VANGL1: variants seen among roughly 807,000 people sequenced by gnomAD.
VANGL1 encodes the protein vang-like protein 1.
Under a neutral mutation model 48.4 loss-of-function variants are expected in VANGL1, and 18 were observed. The observed-to-expected ratio is 0.37, with a 90% CI of 0.26 to 0.55. The LOEUF (loss-of-function observed/expected upper bound fraction) is 0.55, where lower values mean the gene tolerates loss of function less well. VANGL1 is among the 20% of genes least tolerant of loss of function. The pLI, the probability that VANGL1 is intolerant of heterozygous loss-of-function variation, is 0.81. For missense variants in VANGL1, 667 were observed against 675.8 expected (o/e 0.99, Z 0.14); for synonymous variants, 257 against 261.8 (o/e 0.98, Z 0.18).
chr1:115,647,323 T>C (rs1651978189), intron 1 of VANGL1, among the ~76,000 whole-genome samples: 1 of 152,164 alleles, frequency 6.6e-6, no homozygotes, highest in African/African-American at 2.4e-5. Flanking sequence ...TTCCTTTTCA[T>C]TGCTTTATTG....
intron 3 of VANGL1, among the ~76,000 whole-genome samples, chr1:115,662,224 T>C (rs938283641): frequency 5.7e-4 from 29 of 50,628 alleles, no homozygotes; most frequent in African/African-American, 1.4e-3. Context: ...AAATCATGGT[T>C]TTTTTGGTCA....
At chr1:115,684,289 C>T (rs1653510452) in intron 6 of VANGL1, among the ~76,000 whole-genome samples, 1 of 151,984 alleles carries the variant, frequency 6.6e-6, no homozygotes, top group African/African-American at 2.4e-5. Context: ...CAGGCGCCCA[C>T]CACCACGCCC....
chr1:115,675,044 T>C (rs1252497353), intron 4 of VANGL1, among the ~76,000 whole-genome samples: 1 of 152,118 alleles, frequency 6.6e-6, no homozygotes, highest in African/African-American at 2.4e-5. Context: ...ATGGTCACGA[T>C]TGTTTCCTTC....
chr1:115,673,112 A>G (rs1653042998), intron 4 of VANGL1, among the ~76,000 whole-genome samples: 1 of 152,212 alleles, frequency 6.6e-6, no homozygotes, highest in South Asian at 2.1e-4. Context: ...CCTAAAATGC[A>G]GCCACCAGAG....
At chr1:115,642,546 G>C (rs1434659361) in intron 1 of VANGL1, 2 of 152,268 alleles carry the variant, frequency 1.3e-5, no homozygotes, top group African/African-American at 4.8e-5. Context: ...CGCGCACCGG[G>C]GTTCCCACCC....
rs1653903982 is a variant in VANGL1, at chr1:115,693,078, C to T, written c.*1699C>T. On this transcript the variant is annotated 3_prime_UTR_variant, in exon 8 of 8. Coordinates refer to ENST00000355485, the MANE Select transcript of VANGL1 (RefSeq NM_138959.3). ...ACATTCTTCAATTACTAGCCTTCAGCTTGAAAAGACATGCTGGAGAAGAAG... is the reference window on the plus strand; with the variant it reads ...ACATTCTTCAATTACTAGCCTTCAGTTTGAAAAGACATGCTGGAGAAGAAG... 1 of 152,394 alleles carries T rather than the reference C, an allele frequency of 6.6e-6. No homozygotes were observed. Among genetic ancestry groups the T allele is most frequent in the Admixed American group, 6.5e-5 (1 of 15,276 alleles). The allele number at this position is 152,394 out of a possible 1,614,324, so 9.4% of individuals were successfully genotyped here.
rs543735468 is a variant in VANGL1, at chr1:115,698,128, A to G, written c.*6749A>G. On this transcript the variant is annotated 3_prime_UTR_variant, in exon 8 of 8. Transcript: ENST00000355485. ...TATTTTGTTCCTTTTTGGGTCCTCC[A>G]GTATAATCCCCCCCTCATCCCAATT... is the stretch of plus-strand genomic sequence containing the variant. The G allele has an allele frequency of 6.8e-6, 1 of 147,728 alleles. No individual in the cohort carries two copies. Among genetic ancestry groups the G allele is most frequent in the Non-Finnish European group, 1.5e-5 (1 of 66,988 alleles). The allele number at this position is 147,728 out of a possible 1,614,324, so 9.2% of individuals were successfully genotyped here. A position where few individuals can be genotyped will look rare whatever the true frequency, so the allele number is the denominator to read the frequency against.
Position 115,687,538 on chromosome 1 carries a change from C to T in VANGL1, c.1314+2011C>T, listed in dbSNP as rs1053897314. On this transcript the variant is annotated intron_variant, in intron 7 of 7. Transcript: ENST00000355485. The stretch of plus-strand genomic sequence containing the variant: ...TAATAGCTGTTTTTGGTATAGAAAT[C>T]CAAACATTAAAGAAAAGTATCATGC... Among the ~76,000 whole-genome samples the T allele has an allele frequency of 1.4e-5, 2 of 138,074 alleles. 1 individual carries two copies. The highest frequency in any genetic ancestry group is 1.5e-4 in the Admixed American group (2 of 13,340). 90.6% of individuals were successfully genotyped at this position (138,074 alleles called of 152,430 possible).
intron 7 of VANGL1, among the ~76,000 whole-genome samples, chr1:115,685,834 A>G (rs1015856380): frequency 6.6e-6 from 1 of 152,098 alleles, no homozygotes; most frequent in African/African-American, 2.4e-5. Flanking sequence ...AGCTGAACTG[A>G]TTCATTCTAA....
chr1:115,678,095 C>T (rs1653233202), intron 4 of VANGL1, among the ~76,000 whole-genome samples: 1 of 152,210 alleles, frequency 6.6e-6, no homozygotes, highest in Non-Finnish European at 1.5e-5. Context: ...AACCAAAGGA[C>T]GTGTCCCCTG....
In VANGL1 at chr1:115,681,118, T is replaced by C. The variant is rs181585932; in HGVS notation, c.813-1246T>C. ...ATACTGTTGTGCAGGTCATAGATTT[T>C]TGAGCCTCAGTTTTCTTACCTCGAA... On this transcript the variant is annotated intron_variant, in intron 4 of 7. Transcript: ENST00000355485. Among the ~76,000 whole-genome samples, 296 of 152,296 alleles carry C rather than the reference T, an allele frequency of 1.9e-3. 1 individual carries two copies. Among genetic ancestry groups the C allele is most frequent in the African/African-American group, 6.9e-3 (286 of 41,552 alleles).
At position 115,692,385 on chromosome 1, in the gene VANGL1, G is replaced by C. The variant is rs1291441476; in HGVS notation, c.*1006G>C. 6.5e-6 allele frequency: 1 copy of C among 152,748 alleles called. No homozygotes were observed. Among genetic ancestry groups the C allele is most frequent in the Non-Finnish European group, 1.5e-5 (1 of 68,136 alleles). The allele number at this position is 152,748 out of a possible 1,614,324, so 9.5% of individuals were successfully genotyped here. ...TCCTGGGGACGTAAGTTCTTCCCAA[G>C]CTTAGAGCAAGCTGCCCTGCCAAAG... On this transcript the variant is annotated 3_prime_UTR_variant, in exon 8 of 8. Coordinates refer to ENST00000355485, the MANE Select transcript of VANGL1 (RefSeq NM_138959.3).
At chr1:115,649,109 G>A (rs1652041814) in intron 1 of VANGL1, among the ~76,000 whole-genome samples, 1 of 152,156 alleles carries the variant, frequency 6.6e-6, no homozygotes, top group South Asian at 2.1e-4. Context: ...GGGCAGAAAG[G>A]AAGTGAGACT....
intron 4 of VANGL1, among the ~76,000 whole-genome samples, chr1:115,668,284 A>C (rs1570755593): frequency 7.1e-6 from 1 of 141,740 alleles, no homozygotes; most frequent in South Asian, 2.1e-4. Flanking sequence ...AGTGTTTCCC[A>C]TGTGCCAGCC....
At chr1:115,664,748 C>T (rs7555909) in intron 4 of VANGL1, among the ~76,000 whole-genome samples, 5,590 of 152,218 alleles carry the variant, frequency 0.037, 366 homozygotes, top group African/African-American at 0.13. Context: ...CCGAGGGACC[C>T]TCCAATAAAG....
chr1:115,696,330 C>T lies in VANGL1; in HGVS notation c.*4951C>T, dbSNP rs1031220044. 6.6e-6 allele frequency: 1 copy of T among 152,384 alleles called. No individual in the cohort carries two copies. The highest frequency in any genetic ancestry group is 6.5e-5 in the Admixed American group (1 of 15,308). 9.4% of individuals were successfully genotyped at this position (152,384 alleles called of 1,614,324 possible). On this transcript the variant is annotated 3_prime_UTR_variant, in exon 8 of 8. Coordinates refer to ENST00000355485, the MANE Select transcript of VANGL1 (RefSeq NM_138959.3). ...CTCAAGCCGGAGTCCCTGGCCTGGC[C>T]TCCTTGACGTAGGTGTTCTCAGCAA...
At chr1:115,682,343 A>G in intron 4 of VANGL1, 21 bp from the exon 5 acceptor site, 1 of 1,613,758 alleles carries the variant, frequency 6.2e-7, no homozygotes, top group Non-Finnish European at 8.5e-7. Flanking sequence ...CTTTGCATTA[A>G]TTTTGTTCTT....
In VANGL1 at chr1:115,691,121, C is replaced by G; in HGVS notation, c.1317C>G (p.Ala439=). Reference sequence around the variant, plus strand: ...TGGCCTTTCTCCTCTGCTTCCAGGCCTTCCTAGAACGGTACCTCAGTGCGG... The same window carrying G: ...TGGCCTTTCTCCTCTGCTTCCAGGCGTTCCTAGAACGGTACCTCAGTGCGG... ...FCITNGMTPK[A]FLERYLSAGP... is the part of the protein sequence containing the mutation. The change falls in exon 8 of 8, where the codon GCC becomes GCG. Residue 439 remains alanine, a splice_region_variant and synonymous_variant. Transcript: ENST00000355485. 6.2e-7 allele frequency: 1 copy of G among 1,614,190 alleles called. No individual in the cohort carries two copies. The highest frequency in any genetic ancestry group is 8.5e-7 in the Non-Finnish European group (1 of 1,180,044).
chr1:115,691,709 A>G lies in VANGL1; in HGVS notation c.*330A>G, dbSNP rs1021452680. The G allele has an allele frequency of 3.7e-6, 1 of 271,832 alleles. No individual in the cohort carries two copies. Among genetic ancestry groups the G allele is most frequent in the Non-Finnish European group, 6.9e-6 (1 of 144,084 alleles). The allele number at this position is 271,832 out of a possible 1,614,324, so 16.8% of individuals were successfully genotyped here. A position where few individuals can be genotyped will look rare whatever the true frequency, so the allele number is the denominator to read the frequency against. ...TACAACTAATTCCTGCCTTTCGTCCAGTACCAAGTCCCCCGTTGCTTCTGG... is the reference window on the plus strand; with the variant it reads ...TACAACTAATTCCTGCCTTTCGTCCGGTACCAAGTCCCCCGTTGCTTCTGG... On this transcript the variant is annotated 3_prime_UTR_variant, in exon 8 of 8. Transcript: ENST00000355485.
Sources: allele counts gnomAD v4.1 joint callset (sites outside exome capture counted in the v4.1 genomes callset), GRCh38; gene constraint gnomAD v4.1.1; transcripts MANE v1.5; gene names NCBI Gene and HGNC (gene_info 2026-07-23, HGNC 2026-07-21).